The following CCNC variants were observed in gnomAD, a reference collection of about 807,000 sequenced individuals.
CCNC encodes the protein cyclin C.
CCNC carries 19 observed loss-of-function variants against 50.0 expected under a neutral mutation model. The ratio of observed to expected loss-of-function variants is 0.38; its 90% confidence interval spans 0.27 to 0.56. The LOEUF is 0.56. Ranked by LOEUF, CCNC falls within the 20% of genes least tolerant of loss-of-function variation. CCNC has a pLI of 0.72. For synonymous variants in CCNC, 93 were observed against 103.7 expected (o/e 0.90, Z 0.63); for missense variants, 200 against 327.1 (o/e 0.61, Z 3.00).
intron 1 of CCNC, 116 bp downstream of exon 1, chr6:99,568,380 G>T: frequency 9.8e-7 from 1 of 1,019,076 alleles, no homozygotes; most frequent in Non-Finnish European, 1.5e-6. Context: ...GCGGTCTCCC[G>T]TGAGGACCCC....
intron 4 of CCNC, among the ~76,000 whole-genome samples, chr6:99,559,310 T>C (rs1802676029): frequency 6.6e-6 from 1 of 152,140 alleles, no homozygotes; most frequent in Admixed American, 6.5e-5. Context: ...ACCACCATTG[T>C]GAAAATACTA....
At chr6:99,555,678 G>T (rs1298784281) in intron 5 of CCNC, among the ~76,000 whole-genome samples, 1 of 152,030 alleles carries the variant, frequency 6.6e-6, no homozygotes, top group Non-Finnish European at 1.5e-5. Flanking sequence ...CTGTTCTAAA[G>T]CAATCCTCCT....
intron 1 of CCNC, 27 bp downstream of exon 1, chr6:99,568,469 C>T (rs1769253971): frequency 6.2e-7 from 1 of 1,609,448 alleles, no homozygotes; most frequent in Non-Finnish European, 8.5e-7. Flanking sequence ...AAACCGGCCC[C>T]AGGTGAGAAG....
chr6:99,546,794 C>T (rs962970287), intron 9 of CCNC, among the ~76,000 whole-genome samples: 1 of 152,166 alleles, frequency 6.6e-6, no homozygotes, highest in Non-Finnish European at 1.5e-5. Flanking sequence ...GAGTAGTGTA[C>T]AAAGTAGCCG....
chr6:99,548,339 C>T (rs1191070181), intron 9 of CCNC, among the ~76,000 whole-genome samples: 2 of 152,148 alleles, frequency 1.3e-5, no homozygotes, highest in African/African-American at 4.8e-5. Flanking sequence ...CACTCAAAAT[C>T]CTTTCAAATC....
intron 1 of CCNC, chr6:99,566,921 C>A (rs1364637213): frequency 4.4e-6 from 2 of 452,532 alleles, no homozygotes; most frequent in Non-Finnish European, 4.4e-6. Context: ...CTTTCATAAT[C>A]TTTTCGTTTG....
chr6:99,561,555 A>T, intron 3 of CCNC, 42 bp downstream of exon 3: 1 of 1,424,252 alleles, frequency 7.0e-7, no homozygotes, highest in South Asian at 1.2e-5. Flanking sequence ...GTTCATCAAC[A>T]TTAGATAAGA....
Position 99,568,583 on chromosome 6 carries a change from G to T in CCNC, c.-56C>A. 10 of 1,593,286 alleles carry T rather than the reference G, an allele frequency of 6.3e-6. No homozygotes were observed. Among genetic ancestry groups the T allele is most frequent in the South Asian group, 2.3e-5 (2 of 88,154 alleles). ...CAGCCGGCGGAGCGGCCCGCGGAGC[G>T]ACCATAGACCCAGCCCGTCCGGTAA... On this transcript the variant is annotated 5_prime_UTR_variant, in exon 1 of 12. Coordinates refer to ENST00000520429, the MANE Select transcript of CCNC (RefSeq NM_005190.4).
At chr6:99,567,059 G>A (rs1433004904) in intron 1 of CCNC, 2 of 358,750 alleles carry the variant, frequency 5.6e-6, no homozygotes, top group African/African-American at 4.4e-5. Flanking sequence ...TGGGAGAAAA[G>A]AATAGTTTCA....
chr6:99,546,336 A>G (rs764832664), intron 10 of CCNC, 59 bp downstream of exon 10: 2 of 1,110,924 alleles, frequency 1.8e-6, no homozygotes, highest in Admixed American at 1.7e-5. Context: ...TAGGCTCATG[A>G]TAAGTAAATA....
At chr6:99,550,906 C>T in intron 7 of CCNC, 87 bp downstream of exon 7, 1 of 667,578 alleles carries the variant, frequency 1.5e-6, no homozygotes, top group South Asian at 2.6e-5. Context: ...TTAAAATGTA[C>T]CTCTCTAAAA....
Position 99,553,430 on chromosome 6 carries a change from C to G in CCNC, c.347-1535G>C, listed in dbSNP as rs377581584. Among the ~76,000 whole-genome samples, 300 of 152,304 alleles carry G rather than the reference C, an allele frequency of 2.0e-3. 3 individuals carry two copies. The highest frequency in any genetic ancestry group is 6.9e-3 in the African/African-American group (285 of 41,574). On this transcript the variant is annotated intron_variant, in intron 5 of 11. Transcript: ENST00000520429. ...ATATTTACCTGATACTGTCACATGTCTGTTACTCCATGCTAAAACTGCTCT... is the reference window on the plus strand; with the variant it reads ...ATATTTACCTGATACTGTCACATGTGTGTTACTCCATGCTAAAACTGCTCT...
At chr6:99,561,904 C>A in intron 2 of CCNC, 1 of 290,742 alleles carries the variant, frequency 3.4e-6, no homozygotes. Context: ...AACAACAAAA[C>A]AGAAATTGCC....
chr6:99,543,769 A>G, intron 11 of CCNC, 160 bp from the exon 12 acceptor site: 1 of 1,420,216 alleles, frequency 7.0e-7, no homozygotes, highest in Non-Finnish European at 9.2e-7. Context: ...AATCCAGAAG[A>G]CTAACAAACA....
chr6:99,551,009 T>C lies in CCNC; in HGVS notation c.422A>G (p.Tyr141Cys), dbSNP rs1023945530. The part of the protein sequence containing the change: ...RMNHILECEF[Y>C]LLELMDCCLI... ...TTTACTTACCATTAGTTCTAACAGATAGAATTCACATTCTAATATCTGTTT... is the reference window on the plus strand; with the variant it reads ...TTTACTTACCATTAGTTCTAACAGACAGAATTCACATTCTAATATCTGTTT... Residue 141 changes from tyrosine to cysteine, a missense_variant, in exon 7 of 12, where the codon TAT becomes TGT. Physicochemically the swap from Tyr to Cys is radical, Grantham distance 194. Transcript: ENST00000520429. The C allele has an allele frequency of 5.6e-5, 62 of 1,104,606 alleles. No individual in the cohort carries two copies. The highest frequency in any genetic ancestry group is 7.2e-5 in the Non-Finnish European group (57 of 795,030). 68.4% of individuals were successfully genotyped at this position (1,104,606 alleles called of 1,614,324 possible). A position where few individuals can be genotyped will look rare whatever the true frequency, so the allele number is the denominator to read the frequency against.
At chr6:99,558,805 A>C (rs1802653814) in intron 4 of CCNC, among the ~76,000 whole-genome samples, 1 of 152,172 alleles carries the variant, frequency 6.6e-6, no homozygotes, top group Admixed American at 6.5e-5. Context: ...GAAATGCAAA[A>C]TGTTCCAATG....
chr6:99,549,272 C>G, intron 9 of CCNC: 1 of 573,146 alleles, frequency 1.7e-6, no homozygotes, highest in Non-Finnish European at 3.0e-6. Flanking sequence ...CCGATTAAAA[C>G]TATTTTGAAT....
chr6:99,549,492 C>T lies in CCNC; in HGVS notation c.598+16G>A. Reference sequence around the variant, plus strand: ...TATAACAATTTAACTCATAAAGGCACACCATGCTTACATACCTAAAGCTAT... The same window carrying T: ...TATAACAATTTAACTCATAAAGGCATACCATGCTTACATACCTAAAGCTAT... On this transcript the variant is annotated intron_variant, in intron 9 of 11. Transcript: ENST00000520429. 1 of 1,570,470 alleles carries T rather than the reference C, an allele frequency of 6.4e-7. No individual in the cohort carries two copies. Among genetic ancestry groups the T allele is most frequent in the Non-Finnish European group, 8.8e-7 (1 of 1,141,040 alleles).
chr6:99,544,008 GTTC>G, intron 11 of CCNC: 1 of 1,054,564 alleles, frequency 9.5e-7, no homozygotes, highest in Non-Finnish European at 1.2e-6. Context: ...AACAAGAAGT[GTTC>G]TTCAAAAAAA....
Sources: allele counts gnomAD v4.1 joint callset (sites outside exome capture counted in the v4.1 genomes callset), GRCh38; gene constraint gnomAD v4.1.1; transcripts MANE v1.5; gene names NCBI Gene and HGNC (gene_info 2026-07-23, HGNC 2026-07-21).